The following UNC13C variants were observed in gnomAD, a reference collection of about 807,000 sequenced individuals.
UNC13C encodes unc-13 homolog C.
A neutral mutation model predicts 245.4 loss-of-function variants in UNC13C; 174 were observed. That is an observed-to-expected ratio of 0.71 (90% CI 0.63 to 0.80). The LOEUF (loss-of-function observed/expected upper bound fraction) is 0.80, where lower values mean the gene tolerates loss of function less well. Ranked by LOEUF, UNC13C falls within the 30% of genes least tolerant of loss-of-function variation. The pLI, the probability that UNC13C is intolerant of heterozygous loss-of-function variation, is 0.00. For synonymous variants in UNC13C, 992 were observed against 895.1 expected (o/e 1.11, Z -1.93); for missense variants, 2,829 against 2,602.9 (o/e 1.09, Z -1.89).
chr15:54,238,964 A>AT (rs917290480), intron 7 of UNC13C, among the ~76,000 whole-genome samples: 1 of 152,122 alleles, frequency 6.6e-6, no homozygotes, highest in Non-Finnish European at 1.5e-5. Flanking sequence ...GGTGAAAGCG[A>AT]TTTTTAAAAA....
At chr15:54,617,472 A>T (rs1310816370) in intron 30 of UNC13C, among the ~76,000 whole-genome samples, 1 of 151,984 alleles carries the variant, frequency 6.6e-6, no homozygotes, top group African/African-American at 2.4e-5. Context: ...TTTGCTCTTT[A>T]TTGACTTAAA....
chr15:54,361,667 T>G (rs2140864978), intron 17 of UNC13C, among the ~76,000 whole-genome samples: 1 of 152,320 alleles, frequency 6.6e-6, no homozygotes, highest in African/African-American at 2.4e-5. Context: ...CAAAAGTTAA[T>G]CCTTTGCTTC....
At chr15:54,292,954 A>C (rs564583310) in intron 10 of UNC13C, among the ~76,000 whole-genome samples, 11 of 149,028 alleles carry the variant, frequency 7.4e-5, no homozygotes, top group African/African-American at 2.7e-4. Context: ...ATCTATATAG[A>C]TTATATAGAT....
intron 18 of UNC13C, among the ~76,000 whole-genome samples, chr15:54,407,768 G>T (rs923692098): frequency 6.6e-6 from 1 of 151,512 alleles, no homozygotes; most frequent in African/African-American, 2.4e-5. Context: ...TTTAAAGAGG[G>T]ACTACTACAT....
chr15:54,414,522 C>A, intron 18 of UNC13C, among the ~76,000 whole-genome samples: 1 of 152,114 alleles, frequency 6.6e-6, no homozygotes, highest in East Asian at 1.9e-4. Context: ...TGGCACACGC[C>A]TGTAATCCCA....
chr15:53,972,858 A>G, the UNC13C span: 2 of 152,224 alleles, frequency 1.3e-5, no homozygotes, highest in Admixed American at 6.5e-5. Context: ...CACTGTGTAC[A>G]TACGTATTTA....
intron 17 of UNC13C, among the ~76,000 whole-genome samples, chr15:54,362,321 G>A (rs2039252127): frequency 6.6e-6 from 1 of 152,154 alleles, no homozygotes; most frequent in African/African-American, 2.4e-5. Flanking sequence ...AGAACCCACA[G>A]GTCTAGGGAA....
chr15:54,046,703 T>G (rs1265758778), intron 2 of UNC13C, among the ~76,000 whole-genome samples: 2 of 151,938 alleles, frequency 1.3e-5, no homozygotes, highest in African/African-American at 4.8e-5. Context: ...TTTTAACCAT[T>G]TTTTAATTTT....
At chr15:54,098,489 TCTC>T (rs1899997273) in intron 2 of UNC13C, among the ~76,000 whole-genome samples, 1 of 152,106 alleles carries the variant, frequency 6.6e-6, no homozygotes, top group Non-Finnish European at 1.5e-5. Flanking sequence ...CATAGCTTCT[TCTC>T]CTTCCTCCCA....
chr15:54,507,072 A>G, intron 22 of UNC13C, 45 bp from the exon 23 acceptor site: 1 of 1,319,848 alleles, frequency 7.6e-7, no homozygotes, highest in Non-Finnish European at 1.1e-6. Flanking sequence ...ATATTTGTAA[A>G]CTACATACTT....
chr15:53,853,490 A>G, the UNC13C span, among the ~76,000 whole-genome samples: 4 of 152,176 alleles, frequency 2.6e-5, no homozygotes, highest in African/African-American at 9.7e-5. Flanking sequence ...TTATAAGTGA[A>G]TGATTTATAT....
chr15:54,452,219 C>A (rs919906797), intron 19 of UNC13C, among the ~76,000 whole-genome samples: 1 of 152,164 alleles, frequency 6.6e-6, no homozygotes, highest in Non-Finnish European at 1.5e-5. Context: ...TCCATATTGG[C>A]AGGTCCAGGA....
At chr15:54,491,371 T>G (rs1475421200) in intron 19 of UNC13C, among the ~76,000 whole-genome samples, 1 of 152,154 alleles carries the variant, frequency 6.6e-6, no homozygotes. Flanking sequence ...AAAAAAACCT[T>G]CATATCAACA....
intron 2 of UNC13C, chr15:54,050,907 C>T: frequency 1.8e-6 from 1 of 550,358 alleles, no homozygotes; most frequent in East Asian, 5.0e-5. Context: ...ATTTAAAATG[C>T]CACTTGATTG....
intron 1 of UNC13C, among the ~76,000 whole-genome samples, chr15:53,991,482 G>A (rs1041260138): frequency 1.2e-4 from 18 of 151,932 alleles, no homozygotes; most frequent in African/African-American, 2.4e-4. Flanking sequence ...GTTGTATCAG[G>A]TGCTCAACCT....
intron 2 of UNC13C, among the ~76,000 whole-genome samples, chr15:54,118,418 T>C (rs1400353478): frequency 1.3e-5 from 2 of 152,160 alleles, no homozygotes; most frequent in African/African-American, 4.8e-5. Context: ...GCTATTTTAA[T>C]TGGATTGCTT....
chr15:54,485,964 C>T (rs1347993656), intron 19 of UNC13C, among the ~76,000 whole-genome samples: 1 of 152,134 alleles, frequency 6.6e-6, no homozygotes, highest in Non-Finnish European at 1.5e-5. Flanking sequence ...CCTTACATTA[C>T]ATTATATATT....
At chr15:54,469,762 C>G (rs1054412680) in intron 19 of UNC13C, among the ~76,000 whole-genome samples, 2 of 151,362 alleles carry the variant, frequency 1.3e-5, no homozygotes, top group African/African-American at 4.8e-5. Context: ...TGATATAAAA[C>G]CAACAGTTAT....
intron 4 of UNC13C, among the ~76,000 whole-genome samples, chr15:54,210,237 AATATAT>A (rs5812750): frequency 4.1e-5 from 6 of 146,174 alleles, no homozygotes; most frequent in African/African-American, 7.5e-5. Context: ...TAACTGCATT[AATATAT>A]ATATATATAT....
Sources: gnomAD v4.1 joint callset for allele counts (sites outside exome capture counted in the v4.1 genomes callset) on GRCh38, gnomAD v4.1.1 for gene constraint, MANE v1.5 for transcripts, NCBI Gene and HGNC (gene_info 2026-07-23, HGNC 2026-07-21) for gene names.